ABI2: variants seen among roughly 807,000 people sequenced by gnomAD.
ABI2 encodes abl interactor 2.
Under a neutral mutation model 59.2 loss-of-function variants are expected in ABI2, and 25 were observed. The observed-to-expected ratio is 0.42, with a 90% confidence interval of 0.31 to 0.59. ABI2 has a LOEUF of 0.59. Among genes scored for constraint, ABI2 ranks in the 20% least tolerant of loss-of-function variants. The pLI is 0.14. For missense variants in ABI2, 545 were observed against 681.8 expected (o/e 0.80, Z 2.23); for synonymous variants, 213 against 235.5 (o/e 0.90, Z 0.87).
At chr2:203,333,738 C>T (rs2075072948) in intron 1 of ABI2, among the ~76,000 whole-genome samples, 1 of 152,120 alleles carries the variant, frequency 6.6e-6, no homozygotes, top group Non-Finnish European at 1.5e-5. Context: ...GCCCCTTGCT[C>T]TTTTAAACAT....
chr2:203,363,749 T>C (rs750670789), intron 1 of ABI2, among the ~76,000 whole-genome samples: 1 of 152,160 alleles, frequency 6.6e-6, no homozygotes, highest in Non-Finnish European at 1.5e-5. Context: ...ATTGGGCATA[T>C]GTACCATATT....
chr2:203,364,482 G>A (rs1257817618), intron 1 of ABI2, among the ~76,000 whole-genome samples: 1 of 152,130 alleles, frequency 6.6e-6, no homozygotes, highest in African/African-American at 2.4e-5. Context: ...CCATTGCGCT[G>A]ACTTATCCGT....
In ABI2 at chr2:203,387,056, C is replaced by CTTTT. The variant is rs35497226; in HGVS notation, c.481-3973_481-3970dup. On this transcript the variant is annotated intron_variant, in intron 4 of 11. Transcript: ENST00000261018. ...TTTTTTTTCCCCGCAGGCTCCCTTC[C>CTTTT]TTTTTTTTTTTTTTTTTTTTCCCCA... is the stretch of plus-strand genomic sequence containing the variant. Among the ~76,000 whole-genome samples the CTTTT allele has an allele frequency of 9.4e-5, 11 of 116,510 alleles. 1 individual carries two copies. The highest frequency in any genetic ancestry group is 9.9e-5 in the Admixed American group (1 of 10,076). The allele number at this position is 116,510 out of a possible 152,430, so 76.4% of individuals were successfully genotyped here.
rs998492043 is a variant in ABI2, at chr2:203,339,514, G to A, written c.117+10883G>A. Among the ~76,000 whole-genome samples the A allele has an allele frequency of 3.3e-5, 5 of 150,264 alleles. No individual in the cohort carries two copies. The Admixed American group carries it at 3.3e-4, about 10-fold the overall frequency. ...GAGAATTGCTTGAACCCGGGAGGCA[G>A]AGGTTGCAGTGAGCCGAGATTGCGC... On this transcript the variant is annotated intron_variant, in intron 1 of 11. Transcript: ENST00000261018.
In ABI2 at chr2:203,328,562, C is replaced by T. The variant is rs1421859334; in HGVS notation, c.48C>T (p.Arg16=). Reference sequence around the variant, plus strand: ...TGGAAGAGGAAATCCCGGGGGGCCGCCGGGCCCTCTTCGACAGCTACACAA... The same window carrying T: ...TGGAAGAGGAAATCCCGGGGGGCCGTCGGGCCCTCTTCGACAGCTACACAA... ...MLLEEEIPGG[R]RALFDSYTNL... Residue 16 remains arginine, a synonymous_variant, in exon 1 of 12, where the codon CGC becomes CGT. Coordinates refer to ENST00000261018, the MANE Select transcript of ABI2 (RefSeq NM_001375670.1). The T allele has an allele frequency of 5.6e-6, 9 of 1,605,996 alleles. No homozygotes were observed. The Admixed American group carries it at 1.3e-4, about 24-fold the overall frequency.
At chr2:203,350,662 C>T (rs192489878) in intron 1 of ABI2, among the ~76,000 whole-genome samples, 71 of 151,672 alleles carry the variant, frequency 4.7e-4, no homozygotes, top group African/African-American at 1.6e-3. Context: ...GTCTCAGCCT[C>T]CCAAGTAGCA....
At chr2:203,409,037 A>C (rs1184382620) in intron 9 of ABI2, among the ~76,000 whole-genome samples, 2 of 147,812 alleles carry the variant, frequency 1.4e-5, no homozygotes, top group South Asian at 2.2e-4. Flanking sequence ...ACGGGGTTTC[A>C]CCTTGTTAGC....
intron 6 of ABI2, among the ~76,000 whole-genome samples, chr2:203,395,358 T>A (rs2096928601): frequency 6.6e-6 from 1 of 151,148 alleles, no homozygotes; most frequent in Non-Finnish European, 1.5e-5. Flanking sequence ...CTTGTATTTA[T>A]GGATAATTTT....
At chr2:203,394,978 T>C in intron 6 of ABI2, 132 bp downstream of exon 6, 1 of 1,001,468 alleles carries the variant, frequency 1.0e-6, no homozygotes, top group Non-Finnish European at 1.5e-6. Context: ...CCTCATCTGA[T>C]TTCACCTCTC....
chr2:203,343,538 G>C (rs1049859214), intron 1 of ABI2, among the ~76,000 whole-genome samples: 4 of 152,024 alleles, frequency 2.6e-5, no homozygotes, highest in Non-Finnish European at 5.9e-5. Context: ...GGGTTGCTCA[G>C]GGTGATCTCC....
intron 4 of ABI2, among the ~76,000 whole-genome samples, chr2:203,387,056 C>T (rs986547659): frequency 4.3e-5 from 5 of 116,532 alleles, no homozygotes; most frequent in South Asian, 2.7e-4. Flanking sequence ...GGCTCCCTTC[C>T]TTTTTTTTTT....
intron 1 of ABI2, among the ~76,000 whole-genome samples, chr2:203,357,563 A>G (rs1170203468): frequency 6.6e-6 from 1 of 152,212 alleles, no homozygotes; most frequent in East Asian, 1.9e-4. Flanking sequence ...GTAGGTGAAT[A>G]TCAAGTTAAC....
chr2:203,394,792 C>T lies in ABI2; in HGVS notation c.671C>T (p.Ser224Leu), dbSNP rs956628628. Residue 224 changes from serine to leucine, a missense_variant, in exon 6 of 12, where the codon TCG becomes TTG. By Grantham distance (145) the Ser-to-Leu change is moderately radical. Coordinates refer to ENST00000261018, the MANE Select transcript of ABI2 (RefSeq NM_001375670.1). ...VPSPTRNMAP[S>L]QQSPVRTASV... ...AGCCCAACCCGTAATATGGCTCCCT[C>T]GCAGCAGAGCCCTGTGAGGACAGCT... is the stretch of plus-strand genomic sequence containing the variant. 1.1e-5 allele frequency: 18 copies of T among 1,613,976 alleles called. No homozygotes were observed. Among genetic ancestry groups the T allele is most frequent in the African/African-American group, 5.3e-5 (4 of 74,898 alleles).
chr2:203,366,748 T>C (rs2094488868), intron 1 of ABI2, 129 bp from the exon 2 acceptor site: 2 of 860,950 alleles, frequency 2.3e-6, no homozygotes, highest in Admixed American at 3.3e-5. Flanking sequence ...AGTTTTCAAT[T>C]CTGGTGGATT....
chr2:203,339,735 C>T (rs1167783457), intron 1 of ABI2, among the ~76,000 whole-genome samples: 2 of 152,132 alleles, frequency 1.3e-5, no homozygotes, highest in African/African-American at 2.4e-5. Context: ...TTCATTTCAG[C>T]ATTATTCATG....
intron 1 of ABI2, among the ~76,000 whole-genome samples, chr2:203,360,062 G>A (rs929139876): frequency 2.0e-5 from 3 of 151,716 alleles, no homozygotes; most frequent in African/African-American, 7.3e-5. Context: ...GTGCATGCCT[G>A]TAGTCCCAGC....
chr2:203,367,249 A>C (rs1218447059), intron 2 of ABI2: 1 of 627,640 alleles, frequency 1.6e-6, no homozygotes, highest in Non-Finnish European at 2.3e-6. Context: ...AGTAAATCGT[A>C]ATGAATTTTA....
chr2:203,368,081 T>C (rs1303136009), intron 2 of ABI2, among the ~76,000 whole-genome samples: 3 of 152,206 alleles, frequency 2.0e-5, no homozygotes, highest in Non-Finnish European at 4.4e-5. Flanking sequence ...GGGTTCTGCT[T>C]TTTTAACTTA....
Position 203,395,544 on chromosome 2 carries a change from G to T in ABI2, c.726-112G>T. On this transcript the variant is annotated intron_variant, in intron 6 of 11. Transcript: ENST00000261018. ...AGGAAATTTTATTTTGAAGTGGTAC[G>T]CTTTTGAATTACCTTTATTGTAGCT... 3 of 1,159,072 alleles carry T rather than the reference G, an allele frequency of 2.6e-6. No individual in the cohort carries two copies. The East Asian group carries it at 8.3e-5, about 32-fold the overall frequency. The allele number at this position is 1,159,072 out of a possible 1,614,324, so 71.8% of individuals were successfully genotyped here.
Sources: gnomAD v4.1 joint callset for allele counts (sites outside exome capture counted in the v4.1 genomes callset) on GRCh38, gnomAD v4.1.1 for gene constraint, MANE v1.5 for transcripts, NCBI Gene and HGNC (gene_info 2026-07-23, HGNC 2026-07-21) for gene names.